Variants in CRIM1 observed in about 807,000 individuals in gnomAD.
CRIM1 encodes the protein cysteine-rich motor neuron 1 protein.
In CRIM1, 32 loss-of-function variants were observed where a neutral mutation model predicts 116.4. That is an observed-to-expected ratio of 0.27 (90% CI 0.21 to 0.37). The LOEUF is 0.37. Ranked by LOEUF, CRIM1 falls within the 10% of genes least tolerant of loss-of-function variation. CRIM1 has a pLI of 1.00. For missense variants in CRIM1, 1,331 were observed against 1,354.8 expected, an observed-to-expected ratio of 0.98 and a Z score of 0.28; for synonymous variants, 590 against 509.2, an observed-to-expected ratio of 1.16 and a Z score of -2.13.
chr2:36,548,091 A>G (rs1289139691), intron 16 of CRIM1, among the ~76,000 whole-genome samples: 1 of 148,968 alleles, frequency 6.7e-6, no homozygotes, highest in Non-Finnish European at 1.5e-5. Flanking sequence ...ACCCGCTCAT[A>G]AAGTGTATGG....
At position 36,537,646 on chromosome 2, in the gene CRIM1, G is replaced by A. The variant is rs542281903; in HGVS notation, c.2623+100G>A. 586 of 1,308,174 alleles carry A rather than the reference G, an allele frequency of 4.5e-4. 10 individuals carry two copies. The South Asian group carries it at 8.3e-3, about 18-fold the overall frequency. 81.0% of individuals were successfully genotyped at this position (1,308,174 alleles called of 1,614,324 possible). ...TGCCCCTTCTTTCATTCGTTCACACGGCCCAAGTAGCGTGTCAGGCCCAGT... is the reference window on the plus strand; with the variant it reads ...TGCCCCTTCTTTCATTCGTTCACACAGCCCAAGTAGCGTGTCAGGCCCAGT... On this transcript the variant is annotated intron_variant, in intron 14 of 16. Transcript: ENST00000280527.
chr2:36,412,310 G>T (rs556755057), intron 2 of CRIM1, among the ~76,000 whole-genome samples: 1 of 144,816 alleles, frequency 6.9e-6, no homozygotes, highest in Non-Finnish European at 1.5e-5. Flanking sequence ...ACGGAATACC[G>T]AGGACAAAGG....
intron 12 of CRIM1, among the ~76,000 whole-genome samples, chr2:36,521,771 A>G (rs1256534180): frequency 6.6e-6 from 1 of 152,258 alleles, no homozygotes; most frequent in African/African-American, 2.4e-5. Flanking sequence ...AGCAGGGAAC[A>G]GAATTGTCCC....
chr2:36,547,317 G>C, intron 16 of CRIM1, 146 bp downstream of exon 16: 1 of 653,778 alleles, frequency 1.5e-6, no homozygotes, highest in Non-Finnish European at 2.7e-6. Flanking sequence ...GCTATAGTAT[G>C]AATCAAATAC....
At chr2:36,524,513 A>G (rs939265904) in intron 13 of CRIM1, among the ~76,000 whole-genome samples, 2 of 152,174 alleles carry the variant, frequency 1.3e-5, no homozygotes, top group Non-Finnish European at 2.9e-5. Context: ...TCACAAGTCA[A>G]CCAGGGATAC....
chr2:36,481,109 A>T (rs1335998215), intron 7 of CRIM1, among the ~76,000 whole-genome samples: 1 of 152,208 alleles, frequency 6.6e-6, no homozygotes, highest in Non-Finnish European at 1.5e-5. Flanking sequence ...TAGCCTTTTA[A>T]CCTCATGGGT....
chr2:36,513,505 T>G, intron 10 of CRIM1, 51 bp from the exon 11 acceptor site: 1 of 1,483,036 alleles, frequency 6.7e-7, no homozygotes, highest in Non-Finnish European at 9.4e-7. Context: ...TGTAGCCTGT[T>G]TCTCCTGTGC....
chr2:36,488,928 G>A (rs538170716), intron 7 of CRIM1, among the ~76,000 whole-genome samples: 2 of 152,220 alleles, frequency 1.3e-5, no homozygotes, highest in South Asian at 4.2e-4. Context: ...GGAGCAAACC[G>A]AGAGTTGATT....
At chr2:36,432,128 G>T (rs1674941825) in intron 2 of CRIM1, among the ~76,000 whole-genome samples, 1 of 152,186 alleles carries the variant, frequency 6.6e-6, no homozygotes, top group Non-Finnish European at 1.5e-5. Context: ...TACCTCATTA[G>T]TCATTTGTCC....
intron 2 of CRIM1, among the ~76,000 whole-genome samples, chr2:36,437,231 C>T (rs981722808): frequency 6.6e-6 from 1 of 152,076 alleles, no homozygotes; most frequent in African/African-American, 2.4e-5. Context: ...AAAAATTAGC[C>T]GGGCGAGGTG....
intron 2 of CRIM1, among the ~76,000 whole-genome samples, chr2:36,412,435 C>T (rs1333533041): frequency 6.6e-6 from 1 of 152,076 alleles, no homozygotes; most frequent in Non-Finnish European, 1.5e-5. Flanking sequence ...GAGAGATTGG[C>T]AGTGGGAATT....
intron 4 of CRIM1, among the ~76,000 whole-genome samples, chr2:36,443,505 G>A (rs1462873458): frequency 6.6e-6 from 1 of 152,104 alleles, no homozygotes; most frequent in Non-Finnish European, 1.5e-5. Context: ...TCTTTTGCAG[G>A]TCAACAAGCC....
intron 2 of CRIM1, among the ~76,000 whole-genome samples, chr2:36,431,807 C>T (rs1407071278): frequency 7.9e-5 from 12 of 152,196 alleles, no homozygotes; most frequent in Non-Finnish European, 1.8e-4. Flanking sequence ...GGGCCAGCCC[C>T]TCATTTTACA....
At chr2:36,407,665 A>G (rs1040025238) in intron 2 of CRIM1, among the ~76,000 whole-genome samples, 1 of 151,202 alleles carries the variant, frequency 6.6e-6, no homozygotes, top group Admixed American at 6.6e-5. Flanking sequence ...TGGAAGTCAT[A>G]CAGCGACCTT....
At position 36,476,922 on chromosome 2, in the gene CRIM1, A is replaced by G. The variant is rs1335904030; in HGVS notation, c.1025A>G (p.Glu342Gly). ...TKPACVFNNV[E>G]YYDGDMFRMD... ...CCAGCCTGCGTATTTAACAATGTGGAATATTATGATGGAGACATGTTTCGA... is the reference window on the plus strand; with the variant it reads ...CCAGCCTGCGTATTTAACAATGTGGGATATTATGATGGAGACATGTTTCGA... The change falls in exon 6 of 17, where the codon GAA becomes GGA. Residue 342 changes from glutamate (E) to glycine (G), a missense_variant. By Grantham distance (98) the Glu-to-Gly change is moderately conservative. Around this residue, in one of 3 missense-constraint regions of CRIM1, gnomAD observed 690 missense variants for 676.0 expected, o/e 1.02. Transcript: ENST00000280527. 6.2e-7 allele frequency: 1 copy of G among 1,613,854 alleles called. No homozygotes were observed. The highest frequency in any genetic ancestry group is 1.3e-5 in the African/African-American group (1 of 74,934).
intron 14 of CRIM1, among the ~76,000 whole-genome samples, chr2:36,543,708 G>C (rs1221318611): frequency 2.1e-5 from 3 of 145,100 alleles, no homozygotes; most frequent in Admixed American, 7.0e-5. Flanking sequence ...TTTTTAAAAA[G>C]ACCTGATATT....
chr2:36,379,840 C>G (rs1044354641), intron 1 of CRIM1, among the ~76,000 whole-genome samples: 1 of 144,922 alleles, frequency 6.9e-6, no homozygotes, highest in African/African-American at 2.6e-5. Flanking sequence ...AATCATCTTA[C>G]CCACAGACTG....
chr2:36,458,560 A>G (rs1677324968), intron 4 of CRIM1, among the ~76,000 whole-genome samples: 1 of 151,892 alleles, frequency 6.6e-6, no homozygotes, highest in Admixed American at 6.6e-5. Flanking sequence ...TTTAGTAGGG[A>G]AAAAAAAGTT....
At position 36,462,523 on chromosome 2, in the gene CRIM1, A is replaced by G. The variant is rs536868559; in HGVS notation, c.870-2011A>G. On this transcript the variant is annotated intron_variant, in intron 4 of 16. Transcript: ENST00000280527. ...GCACGTGTTCAGTAAAGGTTGTTCA[A>G]GTGTTGAAGGACAACATCTGAAGAG... is the stretch of plus-strand genomic sequence containing the variant. 2.6e-5 allele frequency among the ~76,000 whole-genome samples: 4 copies of G among 152,368 alleles called. No individual in the cohort carries two copies. The South Asian group carries it at 8.3e-4, about 32-fold the overall frequency.
Sources: allele counts gnomAD v4.1 joint callset (sites outside exome capture counted in the v4.1 genomes callset), GRCh38; gene constraint gnomAD v4.1.1; regional missense constraint gnomAD v4.1.1; transcripts MANE v1.5; gene names NCBI Gene and HGNC (gene_info 2026-07-23, HGNC 2026-07-21).